The following USP6NL variants were observed in gnomAD, a reference collection of about 807,000 sequenced individuals.
USP6NL encodes USP6 N-terminal like, also known as USP6 N-terminal-like protein.
Under a neutral mutation model 61.9 loss-of-function variants are expected in USP6NL, and 26 were observed. The observed-to-expected ratio is 0.42, with a 90% CI of 0.31 to 0.58. The LOEUF (loss-of-function observed/expected upper bound fraction) is 0.58, where lower values mean the gene tolerates loss of function less well. Among genes scored for constraint, USP6NL ranks in the 20% least tolerant of loss-of-function variants. The probability of loss-of-function intolerance (pLI) is 0.16; values close to 1 mark genes in which losing one functional copy is unlikely to be tolerated. For missense variants in USP6NL, 1,114 were observed against 1,034.3 expected (o/e 1.08, Z -1.06); for synonymous variants, 432 against 390.1 (o/e 1.11, Z -1.27).
rs570435262 is a variant in USP6NL, at chr10:11,583,454, G to C, written c.4+14177C>G. 3.3e-5 allele frequency among the ~76,000 whole-genome samples: 5 copies of C among 152,122 alleles called. No individual in the cohort carries two copies. In the South Asian group the frequency reaches 1.0e-3, roughly 32 times the overall value. On this transcript the variant is annotated intron_variant, in intron 2 of 14. Coordinates refer to ENST00000609104, the MANE Select transcript of USP6NL (RefSeq NM_014688.5). ...GATCCACCCACCTCAGCCTCCCAAA[G>C]TGCTGGGATTACAGGCGTGAGCCAC...
rs777155857 is a variant in USP6NL at position 11,462,879 on chromosome 10, T to C, written c.2049A>G (p.Lys683=). ...CAAGGGGGCTTGGGCGGCTGTAAGA[T>C]TTCTCCGGAGAAGCACTGACGGAAA... ...STLSVSASPE[K]SYSRPSPLVL... The change falls in exon 15 of 15, where the codon AAA becomes AAG. Residue 683 remains lysine (K), a synonymous_variant. Coordinates refer to ENST00000609104, the MANE Select transcript of USP6NL (RefSeq NM_014688.5). 2.1e-5 allele frequency: 34 copies of C among 1,613,694 alleles called. No individual in the cohort carries two copies. The South Asian group carries it at 3.4e-4, about 16-fold the overall frequency.
At chr10:11,494,858 C>A (rs553120408) in intron 7 of USP6NL, among the ~76,000 whole-genome samples, 3 of 152,128 alleles carry the variant, frequency 2.0e-5, no homozygotes, top group Admixed American at 2.0e-4. Flanking sequence ...AACATGAAGG[C>A]GGACTAGGAG....
intron 6 of USP6NL, among the ~76,000 whole-genome samples, chr10:11,506,972 C>T (rs1834474744): frequency 6.6e-6 from 1 of 152,144 alleles, no homozygotes; most frequent in Non-Finnish European, 1.5e-5. Context: ...TTAGAAGGTT[C>T]ATTCTGTTTC....
chr10:11,499,549 A>C lies in USP6NL; in HGVS notation c.384+1552T>G, dbSNP rs1834084812. ...GGGGTAATCAAGTTAGGATGAGGTC[A>C]TCCTGGATGAGGGTGGACCCTACAT... On this transcript the variant is annotated intron_variant, in intron 7 of 14. Coordinates refer to ENST00000609104, the MANE Select transcript of USP6NL (RefSeq NM_014688.5). This position sits in a 1 kb window ranked among gnomAD's most constrained non-coding sequence, Gnocchi z 4.5. 6.6e-6 allele frequency among the ~76,000 whole-genome samples: 1 copy of C among 152,190 alleles called. No individual in the cohort carries two copies. Among genetic ancestry groups the C allele is most frequent in the South Asian group, 2.1e-4 (1 of 4,824 alleles).
At chr10:11,580,153 C>T (rs1837701643) in intron 2 of USP6NL, among the ~76,000 whole-genome samples, 2 of 152,244 alleles carry the variant, frequency 1.3e-5, no homozygotes, top group South Asian at 4.1e-4. Flanking sequence ...AGACCATGTC[C>T]CTCATGGATG....
intron 14 of USP6NL, among the ~76,000 whole-genome samples, chr10:11,467,314 C>G (rs773409578): frequency 1.3e-5 from 2 of 152,152 alleles, no homozygotes; most frequent in African/African-American, 2.4e-5. Flanking sequence ...CACAAGTTAT[C>G]AGAAAAATGC....
intron 14 of USP6NL, among the ~76,000 whole-genome samples, chr10:11,477,224 A>C (rs1255886427): frequency 6.6e-6 from 1 of 152,238 alleles, no homozygotes; most frequent in Non-Finnish European, 1.5e-5. Context: ...AATCAGAATT[A>C]ACTAATTCAA....
Position 11,478,897 on chromosome 10 carries a change from C to A in USP6NL, c.1078+2873G>T, listed in dbSNP as rs931128689. On this transcript the variant is annotated intron_variant, in intron 14 of 14. Transcript: ENST00000609104. This position sits in a 1 kb window ranked among gnomAD's most constrained non-coding sequence, Gnocchi z 6.8. ...CTCCAGCCTAGGCAACAGAGTGAGA[C>A]CCTGTCTCATGTTTAAAAAGTGTAA... Among the ~76,000 whole-genome samples the A allele has an allele frequency of 6.5e-5, 9 of 138,772 alleles. No homozygotes were observed. Among genetic ancestry groups the A allele is most frequent in the East Asian group, 2.2e-4 (1 of 4,620 alleles). 91.0% of individuals were successfully genotyped at this position (138,772 alleles called of 152,430 possible).
At chr10:11,464,548 C>G (rs1400065543) in intron 14 of USP6NL, among the ~76,000 whole-genome samples, 2 of 152,206 alleles carry the variant, frequency 1.3e-5, no homozygotes, top group African/African-American at 4.8e-5. Context: ...GATTCCAGAG[C>G]CTTTGATCCT....
chr10:11,573,486 C>G (rs1837432964), intron 2 of USP6NL: 1 of 394,654 alleles, frequency 2.5e-6, no homozygotes, highest in Non-Finnish European at 4.5e-6. Flanking sequence ...CATAATATAT[C>G]AGAAATGCAA....
chr10:11,493,489 T>C (rs971179413), intron 7 of USP6NL, among the ~76,000 whole-genome samples: 1 of 152,170 alleles, frequency 6.6e-6, no homozygotes, highest in African/African-American at 2.4e-5. Flanking sequence ...TAATTTTAAT[T>C]TAGGATAGAG....
chr10:11,563,588 G>C (rs887013826), intron 2 of USP6NL: 2 of 152,112 alleles, frequency 1.3e-5, no homozygotes, highest in Non-Finnish European at 2.9e-5. Flanking sequence ...TCTCGGTACT[G>C]TTTTGCAATT....
intron 6 of USP6NL, among the ~76,000 whole-genome samples, chr10:11,505,603 G>C (rs1480167314): frequency 1.3e-5 from 2 of 152,194 alleles, no homozygotes; most frequent in Non-Finnish European, 2.9e-5. Context: ...CTACAAATTT[G>C]TTTCATAGAT....
rs561218044 is a variant in USP6NL, at chr10:11,518,427, T to C, written c.195+108A>G. 5 of 936,750 alleles carry C rather than the reference T, an allele frequency of 5.3e-6. No individual in the cohort carries two copies. In the South Asian group the frequency reaches 6.9e-5, roughly 13 times the overall value. The allele number at this position is 936,750 out of a possible 1,614,324, so 58.0% of individuals were successfully genotyped here. ...GAGGTCCAAAATCTAACAATGACTG[T>C]ACCATTCCCATATAATATGGCACTT... On this transcript the variant is annotated intron_variant, in intron 5 of 14. Transcript: ENST00000609104. The surrounding 1 kb of genome is among the most constrained non-coding windows in gnomAD (Gnocchi z 5.3).
Position 11,470,547 on chromosome 10 carries a change from C to A in USP6NL, c.1079-6698G>T, listed in dbSNP as rs565464830. Among the ~76,000 whole-genome samples the A allele has an allele frequency of 2.0e-5, 3 of 152,330 alleles. No individual in the cohort carries two copies. The highest frequency in any genetic ancestry group is 2.0e-4 in the Admixed American group (3 of 15,310). On this transcript the variant is annotated intron_variant, in intron 14 of 14. Transcript: ENST00000609104. This position sits in a 1 kb window ranked among gnomAD's most constrained non-coding sequence, Gnocchi z 5.4. ...ATGCCAATTAGTATTCTCTACCCTT[C>A]TTCACAGAAGTAGGTCCAAATAAAG...
rs1046310695 is a variant in USP6NL at position 11,461,638 on chromosome 10, C to T, written c.*803G>A. 10 of 152,244 alleles carry T rather than the reference C, an allele frequency of 6.6e-5. No homozygotes were observed. Among genetic ancestry groups the T allele is most frequent in the Admixed American group, 3.3e-4 (5 of 15,284 alleles). 9.4% of individuals were successfully genotyped at this position (152,244 alleles called of 1,614,324 possible). ...GTCAGACCAGAACAAAGGGCACAAA[C>T]GCACTAAGACCAATCTCTTAGTATG... On this transcript the variant is annotated 3_prime_UTR_variant, in exon 15 of 15. Coordinates refer to ENST00000609104, the MANE Select transcript of USP6NL (RefSeq NM_014688.5).
rs182774894 is a variant in USP6NL at position 11,527,558 on chromosome 10, T to G, written c.14A>C (p.Gln5Pro). Residue 5 changes from glutamine (Q) to proline (P), a missense_variant, in exon 3 of 15, where the codon CAG becomes CCG. Gln to Pro is a moderately conservative substitution (Grantham distance 76, BLOSUM62 -1). Transcript: ENST00000609104. MNSD[Q>P]DVALKLAQER... is the part of the protein sequence containing the mutation. ...CTGGGCAAGTTTGAGTGCTACATCC[T>G]GGTCTGAATCTGTGGAGAAGACATC... is the stretch of plus-strand genomic sequence containing the variant. 3 of 1,609,082 alleles carry G rather than the reference T, an allele frequency of 1.9e-6. No homozygotes were observed. In the Admixed American group the frequency reaches 5.0e-5, roughly 27 times the overall value.
chr10:11,507,970 A>C (rs1040880085), intron 6 of USP6NL, among the ~76,000 whole-genome samples: 2 of 152,198 alleles, frequency 1.3e-5, no homozygotes, highest in Non-Finnish European at 2.9e-5. Flanking sequence ...AGGCTATACT[A>C]CTGCTTCTGT....
intron 1 of USP6NL, among the ~76,000 whole-genome samples, chr10:11,606,153 C>G (rs1197296112): frequency 2.0e-5 from 3 of 152,070 alleles, no homozygotes; most frequent in Non-Finnish European, 4.4e-5. Flanking sequence ...AACAAATTAG[C>G]AACAAAGAAG....
Sources: allele counts gnomAD v4.1 joint callset (sites outside exome capture counted in the v4.1 genomes callset), GRCh38; gene constraint gnomAD v4.1.1; non-coding constraint Gnocchi (gnomAD v3.1); transcripts MANE v1.5; gene names NCBI Gene and HGNC (gene_info 2026-07-23, HGNC 2026-07-21).